The following EPHX4 variants were observed in gnomAD, a reference collection of about 807,000 sequenced individuals.
EPHX4 encodes the protein epoxide hydrolase 4.
Under a neutral mutation model 44.9 loss-of-function variants are expected in EPHX4, and 31 were observed. The observed-to-expected ratio is 0.69, with a 90% CI of 0.52 to 0.93. The LOEUF is 0.93. Among genes scored for constraint, EPHX4 ranks in the 40% least tolerant of loss-of-function variants. EPHX4 has a pLI of 0.00. For missense variants in EPHX4, 373 were observed against 438.1 expected (o/e 0.85, Z 1.33); for synonymous variants, 151 against 159.7 (o/e 0.95, Z 0.41).
At chr1:92,058,428 C>T (rs867764451) in intron 6 of EPHX4, among the ~76,000 whole-genome samples, 10 of 145,468 alleles carry the variant, frequency 6.9e-5, no homozygotes, top group South Asian at 4.3e-4. Flanking sequence ...GGAACAAGAG[C>T]GAAACCCCGT....
chr1:92,036,857 C>A (rs983957708), intron 2 of EPHX4, among the ~76,000 whole-genome samples: 56 of 152,112 alleles, frequency 3.7e-4, no homozygotes, highest in African/African-American at 1.3e-3. Context: ...TAAACCAAGA[C>A]CCCTGTTGAT....
At position 92,050,406 on chromosome 1, in the gene EPHX4, A is replaced by G. The variant is rs766902218; in HGVS notation, c.694A>G (p.Ile232Val). 5.7e-6 allele frequency: 9 copies of G among 1,582,132 alleles called. No individual in the cohort carries two copies. The highest frequency in any genetic ancestry group is 7.8e-6 in the Non-Finnish European group (9 of 1,158,492). The stretch of plus-strand genomic sequence containing the variant: ...ATGGTTCCCAGAATTTATGTTCTCA[A>G]TAAATGATTTCAAGGTAAGCCAAAC... ...IPWFPEFMFS[I>V]NDFKVLKHLF... is the part of the protein sequence containing the mutation. Residue 232 changes from isoleucine (I) to valine (V), a missense_variant, in exon 5 of 7, where the codon ATA (isoleucine) becomes GTA (valine). Coordinates refer to ENST00000370383, the MANE Select transcript of EPHX4 (RefSeq NM_173567.5).
chr1:92,045,444 A>C, intron 3 of EPHX4, 88 bp from the exon 4 acceptor site: 1 of 1,455,420 alleles, frequency 6.9e-7, no homozygotes, highest in Non-Finnish European at 9.4e-7. Flanking sequence ...GAAAAGAGGT[A>C]CTTCAGAAGT....
intron 2 of EPHX4, among the ~76,000 whole-genome samples, chr1:92,041,042 A>G (rs1688501383): frequency 2.0e-5 from 3 of 151,786 alleles, no homozygotes. Flanking sequence ...TTAAAAATCC[A>G]TGTCTTTTTT....
At chr1:92,062,062 T>A (rs933156263) in intron 6 of EPHX4, among the ~76,000 whole-genome samples, 6 of 151,896 alleles carry the variant, frequency 4.0e-5, no homozygotes, top group African/African-American at 1.4e-4. Context: ...TAAAAACATA[T>A]ATATACACAA....
chr1:92,030,302 C>T lies in EPHX4; in HGVS notation c.223C>T (p.Arg75Trp). The stretch of plus-strand genomic sequence containing the variant: ...CTCCTTGGGCACCCACTGCTACGTG[C>T]GGATCAAGGTGAAGGGCCGCGCGGG... ...DPSLGTHCYV[R>W]IKDSGLRFHY... is the part of the protein sequence containing the mutation. The change falls in exon 1 of 7, where the codon CGG becomes TGG. Residue 75 changes from arginine (R) to tryptophan (W), a missense_variant. Coordinates refer to ENST00000370383, the MANE Select transcript of EPHX4 (RefSeq NM_173567.5). The T allele has an allele frequency of 1.3e-6, 2 of 1,568,916 alleles. No homozygotes were observed. The highest frequency in any genetic ancestry group is 8.6e-7 in the Non-Finnish European group (1 of 1,158,924).
intron 6 of EPHX4, among the ~76,000 whole-genome samples, chr1:92,059,268 T>C (rs1647438663): frequency 6.6e-6 from 1 of 152,086 alleles, no homozygotes; most frequent in South Asian, 2.1e-4. Flanking sequence ...AAACCCAGTC[T>C]CTACTAAAAA....
At chr1:92,040,615 G>A (rs571339867) in intron 2 of EPHX4, among the ~76,000 whole-genome samples, 3 of 152,104 alleles carry the variant, frequency 2.0e-5, no homozygotes, top group South Asian at 2.1e-4. Flanking sequence ...GTGAGCCACC[G>A]CACCCGGCCT....
In EPHX4 at chr1:92,063,061, G is replaced by A. The variant is rs766112711; in HGVS notation, c.864G>A (p.Leu288=). 8.1e-6 allele frequency: 13 copies of A among 1,604,388 alleles called. No individual in the cohort carries two copies. The African/African-American group carries it at 1.1e-4, about 13-fold the overall frequency. ...INHYRNIFSC[L]PLKHHMVTTP... ...ATGTATTTTGTTTTTATAGCTGCCT[G>A]CCTCTCAAACATCACATGGTGACCA... is the stretch of plus-strand genomic sequence containing the variant. The change falls in exon 7 of 7, where the codon CTG becomes CTA. Residue 288 remains leucine, a synonymous_variant. Transcript: ENST00000370383.
At chr1:92,035,266 C>A (rs1307092641) in intron 2 of EPHX4, among the ~76,000 whole-genome samples, 2 of 152,102 alleles carry the variant, frequency 1.3e-5, no homozygotes, top group South Asian at 4.2e-4. Context: ...TATGGTCTCA[C>A]CTTATGGAGT....
chr1:92,033,262 A>G (rs1483942606), intron 2 of EPHX4, among the ~76,000 whole-genome samples: 3 of 152,040 alleles, frequency 2.0e-5, no homozygotes, highest in Non-Finnish European at 2.9e-5. Context: ...ATGTGCCCAG[A>G]GTTAATATTC....
chr1:92,048,950 C>T (rs745701115), intron 4 of EPHX4, among the ~76,000 whole-genome samples: 17 of 151,820 alleles, frequency 1.1e-4, no homozygotes, highest in Non-Finnish European at 2.4e-4. Flanking sequence ...CAGTTTTCCT[C>T]CCTCAGCCTC....
Position 92,042,910 on chromosome 1 carries a change from T to C in EPHX4, c.405T>C (p.Ala135=). The change falls in exon 3 of 7, where the codon GCT becomes GCC. Residue 135 remains alanine (A), a synonymous_variant. Coordinates refer to ENST00000370383, the MANE Select transcript of EPHX4 (RefSeq NM_173567.5). The part of the protein sequence containing the change: ...LDLRGYGETD[A]PIHRQNYKLD... ...TGAGAGGTTATGGAGAAACAGATGC[T>C]CCCATTCATCGACAGAATTATAAAT... 6.2e-7 allele frequency: 1 copy of C among 1,613,034 alleles called. No homozygotes were observed. Among genetic ancestry groups the C allele is most frequent in the African/African-American group, 1.3e-5 (1 of 74,994 alleles).
At chr1:92,045,138 T>C (rs1688565482) in intron 3 of EPHX4, among the ~76,000 whole-genome samples, 1 of 152,040 alleles carries the variant, frequency 6.6e-6, no homozygotes, top group Non-Finnish European at 1.5e-5. Context: ...AATTTCTTTA[T>C]TTTTTTGTAG....
rs114226341 is a variant in EPHX4, at chr1:92,033,447, G to A, written c.317+857G>A. Among the ~76,000 whole-genome samples, 474 of 152,108 alleles carry A rather than the reference G, an allele frequency of 3.1e-3. 4 individuals are homozygous for A. Among genetic ancestry groups the A allele is most frequent in the African/African-American group, 0.011 (458 of 41,484 alleles). Reference sequence around the variant, plus strand: ...CTACTATAGACAAAATACAACACTGGGTAGGGAAAGGAGATTTTAAACAAA... The same window carrying A: ...CTACTATAGACAAAATACAACACTGAGTAGGGAAAGGAGATTTTAAACAAA... On this transcript the variant is annotated intron_variant, in intron 2 of 6. Transcript: ENST00000370383.
chr1:92,031,558 A>G (rs539967149), intron 1 of EPHX4, among the ~76,000 whole-genome samples: 1 of 152,260 alleles, frequency 6.6e-6, no homozygotes, highest in African/African-American at 2.4e-5. Flanking sequence ...CCCTGCTCTC[A>G]ACCATTTTAT....
At chr1:92,039,607 A>G (rs1269904133) in intron 2 of EPHX4, among the ~76,000 whole-genome samples, 6 of 152,240 alleles carry the variant, frequency 3.9e-5, no homozygotes, top group Non-Finnish European at 7.3e-5. Context: ...CAAGATTAAC[A>G]ACATTACTAC....
chr1:92,061,595 C>A lies in EPHX4; in HGVS notation c.858-1460C>A, dbSNP rs552614534. Among the ~76,000 whole-genome samples, 471 of 152,270 alleles carry A rather than the reference C, an allele frequency of 3.1e-3. 3 individuals carry two copies. Among genetic ancestry groups the A allele is most frequent in the African/African-American group, 0.011 (456 of 41,552 alleles). Reference sequence around the variant, plus strand: ...CCAAGAAAAATCTGGGCATAAAATGCTTATTATAGCATAATTTAAAACAAG... The same window carrying A: ...CCAAGAAAAATCTGGGCATAAAATGATTATTATAGCATAATTTAAAACAAG... On this transcript the variant is annotated intron_variant, in intron 6 of 6. Transcript: ENST00000370383.
At chr1:92,049,737 A>C (rs764496486) in intron 4 of EPHX4, among the ~76,000 whole-genome samples, 4 of 152,188 alleles carry the variant, frequency 2.6e-5, no homozygotes, top group African/African-American at 4.8e-5. Context: ...CTTGGAGGAA[A>C]AGCAGCGTTG....
Sources: allele counts gnomAD v4.1 joint callset (sites outside exome capture counted in the v4.1 genomes callset), GRCh38; gene constraint gnomAD v4.1.1; transcripts MANE v1.5; gene names NCBI Gene and HGNC (gene_info 2026-07-23, HGNC 2026-07-21).